Variants in AFAP1 observed in about 807,000 individuals in gnomAD.
AFAP1 encodes the protein actin filament associated protein 1.
A neutral mutation model predicts 93.9 loss-of-function variants in AFAP1; 75 were observed. That is an observed-to-expected ratio of 0.80 (90% CI 0.66 to 0.97). AFAP1 has a LOEUF of 0.97. AFAP1 is among the 50% of genes least tolerant of loss of function. The pLI is 0.00. For synonymous variants in AFAP1, 517 were observed against 430.7 expected (o/e 1.20, Z -2.48); for missense variants, 1,201 against 1,050.8 (o/e 1.14, Z -1.98).
rs115419216 is a variant in AFAP1, at chr4:7,774,547, T to C, written c.2062+192A>G. On this transcript the variant is annotated intron_variant, in intron 15 of 17. Transcript: ENST00000420658. ...TGGCCTCTGCCTGCACGCCGCATGTTTGACCACACAGGCACCTGCCTCGGG... is the reference window on the plus strand; with the variant it reads ...TGGCCTCTGCCTGCACGCCGCATGTCTGACCACACAGGCACCTGCCTCGGG... 2,387 of 855,912 alleles carry C rather than the reference T, an allele frequency of 2.8e-3. 5 individuals carry two copies. The highest frequency in any genetic ancestry group is 3.7e-3 in the Non-Finnish European group (2,141 of 581,726). The allele number at this position is 855,912 out of a possible 1,614,324, so 53.0% of individuals were successfully genotyped here. A position where few individuals can be genotyped will look rare whatever the true frequency, so the allele number is the denominator to read the frequency against.
chr4:7,803,821 C>T (rs1719260179), intron 9 of AFAP1, among the ~76,000 whole-genome samples: 1 of 152,236 alleles, frequency 6.6e-6, no homozygotes, highest in Non-Finnish European at 1.5e-5. Context: ...TTATTTAGAA[C>T]ATGATTTTAT....
intron 8 of AFAP1, among the ~76,000 whole-genome samples, chr4:7,812,574 G>C (rs1391702524): frequency 6.6e-6 from 1 of 152,102 alleles, no homozygotes; most frequent in East Asian, 1.9e-4. Flanking sequence ...ACAGATCACA[G>C]AACCAGGAAG....
At position 7,809,599 on chromosome 4, in the gene AFAP1, G is replaced by A. The variant is rs757063188; in HGVS notation, c.1054+15C>T. ...TTAGGTGCACGCTGCTCGTCTCCGG[G>A]AAGCGCAGTCTTACCGCAGGTGGGA... On this transcript the variant is annotated intron_variant, in intron 9 of 17. Coordinates refer to ENST00000420658, the MANE Select transcript of AFAP1 (RefSeq NM_001134647.2). 7 of 1,608,064 alleles carry A rather than the reference G, an allele frequency of 4.4e-6. No homozygotes were observed. The East Asian group carries it at 8.9e-5, about 21-fold the overall frequency.
At chr4:7,837,796 A>G (rs1244386751) in intron 6 of AFAP1, among the ~76,000 whole-genome samples, 1 of 152,204 alleles carries the variant, frequency 6.6e-6, no homozygotes, top group African/African-American at 2.4e-5. Context: ...AGGTGGGCGG[A>G]TCACTTGAGC....
intron 3 of AFAP1, among the ~76,000 whole-genome samples, chr4:7,858,487 C>G (rs1044468918): frequency 6.6e-6 from 1 of 152,030 alleles, no homozygotes; most frequent in African/African-American, 2.4e-5. Context: ...GGAGAAGGGC[C>G]GAAATGATGA....
chr4:7,774,473 G>A (rs1268529665), intron 15 of AFAP1: 2 of 457,796 alleles, frequency 4.4e-6, no homozygotes, highest in South Asian at 3.5e-5. Flanking sequence ...GCCGGAACAG[G>A]TCCCCCAGCA....
At chr4:7,835,869 G>A (rs549283642) in intron 6 of AFAP1, among the ~76,000 whole-genome samples, 42 of 151,914 alleles carry the variant, frequency 2.8e-4, no homozygotes, top group Non-Finnish European at 5.2e-4. Flanking sequence ...GCTCTTGAAT[G>A]GACTGAGGGC....
intron 1 of AFAP1, among the ~76,000 whole-genome samples, chr4:7,927,552 C>T (rs1158162269): frequency 1.3e-5 from 2 of 152,234 alleles, no homozygotes; most frequent in South Asian, 4.2e-4. Flanking sequence ...AGGCCAGGCG[C>T]GGTGGCTCAC....
intron 10 of AFAP1, among the ~76,000 whole-genome samples, chr4:7,799,563 T>C (rs927409686): frequency 1.3e-5 from 2 of 152,206 alleles, no homozygotes; most frequent in African/African-American, 4.8e-5. Context: ...AACTGGTTTC[T>C]ATCGATTCTA....
chr4:7,884,836 C>T (rs1718052967), intron 1 of AFAP1, among the ~76,000 whole-genome samples: 1 of 152,180 alleles, frequency 6.6e-6, no homozygotes, highest in Non-Finnish European at 1.5e-5. Context: ...AATGTGCCTA[C>T]AAAAAGTATG....
chr4:7,838,793 G>C (rs967064894), intron 5 of AFAP1, 90 bp from the exon 6 acceptor site: 5 of 1,434,536 alleles, frequency 3.5e-6, no homozygotes, highest in Non-Finnish European at 4.8e-6. Flanking sequence ...ACCTGAGTGC[G>C]GGCAAGGCAT....
intron 2 of AFAP1, among the ~76,000 whole-genome samples, chr4:7,870,940 C>G (rs1716968053): frequency 6.6e-6 from 1 of 152,154 alleles, no homozygotes; most frequent in African/African-American, 2.4e-5. Context: ...TGAATCACAT[C>G]TCAATAAAGA....
chr4:7,898,120 C>T (rs116672360), intron 1 of AFAP1, among the ~76,000 whole-genome samples: 2,720 of 152,260 alleles, frequency 0.018, 39 homozygotes, highest in Non-Finnish European at 0.026. Flanking sequence ...CTGGAAAAGC[C>T]TCCCAATCAC....
chr4:7,903,970 G>A (rs1456639511), intron 1 of AFAP1, among the ~76,000 whole-genome samples: 2 of 150,622 alleles, frequency 1.3e-5, no homozygotes, highest in East Asian at 3.9e-4. Flanking sequence ...TTTCCAGAGA[G>A]TTTTTAAAAT....
At position 7,763,136 on chromosome 4, in the gene AFAP1, G is replaced by C. The variant is rs922759627; in HGVS notation, c.*629C>G. 6 of 152,600 alleles carry C rather than the reference G, an allele frequency of 3.9e-5. No homozygotes were observed. The highest frequency in any genetic ancestry group is 1.4e-4 in the African/African-American group (6 of 41,448). The allele number at this position is 152,600 out of a possible 1,614,324, so 9.5% of individuals were successfully genotyped here. On this transcript the variant is annotated 3_prime_UTR_variant, in exon 18 of 18. Coordinates refer to ENST00000420658, the MANE Select transcript of AFAP1 (RefSeq NM_001134647.2). Reference sequence around the variant, plus strand: ...AAGAATGGCAGCTTTTCATGTCTTGGTGACAAAAGCATCTGTCCAAAAAAT... The same window carrying C: ...AAGAATGGCAGCTTTTCATGTCTTGCTGACAAAAGCATCTGTCCAAAAAAT...
At chr4:7,930,236 C>T (rs527646032) in intron 1 of AFAP1, among the ~76,000 whole-genome samples, 2 of 152,316 alleles carry the variant, frequency 1.3e-5, no homozygotes, top group Non-Finnish European at 2.9e-5. Context: ...GCAGGGAGGT[C>T]GGGGCTCCCA....
intron 10 of AFAP1, among the ~76,000 whole-genome samples, chr4:7,798,208 C>T (rs558827629): frequency 4.2e-5 from 5 of 120,434 alleles, no homozygotes; most frequent in African/African-American, 1.6e-4. Context: ...GGCTGGCTCA[C>T]GGCACTGCAA....
chr4:7,838,944 C>G (rs147959443), intron 5 of AFAP1, among the ~76,000 whole-genome samples: 1 of 152,266 alleles, frequency 6.6e-6, no homozygotes, highest in East Asian at 1.9e-4. Flanking sequence ...TACTGAGCAT[C>G]TATCACAGGA....
chr4:7,924,577 C>T (rs1196322988), intron 1 of AFAP1, among the ~76,000 whole-genome samples: 1 of 152,172 alleles, frequency 6.6e-6, no homozygotes, highest in Non-Finnish European at 1.5e-5. Flanking sequence ...CCAGGGGACA[C>T]AGACATCTAA....
Sources: allele counts gnomAD v4.1 joint callset (sites outside exome capture counted in the v4.1 genomes callset), GRCh38; gene constraint gnomAD v4.1.1; transcripts MANE v1.5; gene names NCBI Gene and HGNC (gene_info 2026-07-23, HGNC 2026-07-21).